The following RIMS1 variants were observed in gnomAD, a reference collection of about 807,000 sequenced individuals.
RIMS1 encodes regulating synaptic membrane exocytosis 1, also known as regulating synaptic membrane exocytosis protein 1.
RIMS1 carries 83 observed loss-of-function variants against 214.1 expected under a neutral mutation model. The observed-to-expected ratio is 0.39, with a 90% CI of 0.32 to 0.47. The LOEUF is 0.47. Ranked by LOEUF, RIMS1 falls within the 20% of genes least tolerant of loss-of-function variation. The pLI, the probability that RIMS1 is intolerant of heterozygous loss-of-function variation, is 0.99. For missense variants in RIMS1, 2,050 were observed against 2,161.8 expected (o/e 0.95, Z 1.03); for synonymous variants, 793 against 786.8 (o/e 1.01, Z -0.13).
chr6:71,949,563 A>G (rs1008818601), intron 1 of RIMS1, among the ~76,000 whole-genome samples: 3 of 152,182 alleles, frequency 2.0e-5, no homozygotes, highest in Admixed American at 6.5e-5. Flanking sequence ...AAAATGAAGA[A>G]TAAGTATACC....
intron 9 of RIMS1, among the ~76,000 whole-genome samples, chr6:72,240,301 G>A (rs1188985392): frequency 2.0e-5 from 3 of 152,070 alleles, no homozygotes; most frequent in Admixed American, 6.5e-5. Context: ...AAAAAGGAGA[G>A]TTTTAAAATG....
chr6:71,915,554 T>C (rs1208666674), intron 1 of RIMS1, among the ~76,000 whole-genome samples: 1 of 152,150 alleles, frequency 6.6e-6, no homozygotes, highest in East Asian at 1.9e-4. Context: ...CCCTCACATA[T>C]AACAAATATG....
At chr6:71,952,308 GA>G (rs1437223422) in intron 1 of RIMS1, among the ~76,000 whole-genome samples, 1 of 151,664 alleles carries the variant, frequency 6.6e-6, no homozygotes, top group Non-Finnish European at 1.5e-5. Flanking sequence ...TATCTATATT[GA>G]AAAAAAAGTT....
Position 72,258,127 on chromosome 6 carries a change from G to A in RIMS1, c.2773G>A (p.Gly925Ser), listed in dbSNP as rs2076624908. 6.2e-7 allele frequency: 1 copy of A among 1,611,830 alleles called. No individual in the cohort carries two copies. Among genetic ancestry groups the A allele is most frequent in the Non-Finnish European group, 8.5e-7 (1 of 1,178,834 alleles). ...DDGIGVVPPVGYRSSARESKS... is the reference protein window; with the variant it reads ...DDGIGVVPPVSYRSSARESKS... ...TTTTCTGTGTGTACTTTTGCCAGTA[G>A]GCTATAGGTCTAGTGCTAGAGAAAG... Residue 925 changes from glycine (G) to serine (S), a missense_variant and splice_region_variant, in exon 17 of 34, where the codon GGC becomes AGC. Coordinates refer to ENST00000521978, the MANE Select transcript of RIMS1 (RefSeq NM_014989.7).
intron 2 of RIMS1, among the ~76,000 whole-genome samples, chr6:72,080,213 G>A (rs1375234091): frequency 2.0e-5 from 3 of 151,346 alleles, no homozygotes; most frequent in Admixed American, 6.6e-5. Context: ...GCAGTGAGCC[G>A]AGATCATGCC....
chr6:71,898,696 A>T (rs1466785429), intron 1 of RIMS1, among the ~76,000 whole-genome samples: 1 of 152,148 alleles, frequency 6.6e-6, no homozygotes, highest in Non-Finnish European at 1.5e-5. Flanking sequence ...CCATCAACTG[A>T]TAAGAGTTGG....
At chr6:72,297,738 G>C (rs561375587) in intron 26 of RIMS1, among the ~76,000 whole-genome samples, 2 of 151,980 alleles carry the variant, frequency 1.3e-5, no homozygotes, top group Non-Finnish European at 2.9e-5. Context: ...AGAATGCTGC[G>C]CCTCTCCTTA....
intron 2 of RIMS1, among the ~76,000 whole-genome samples, chr6:71,992,984 A>C (rs1469861225): frequency 6.6e-6 from 1 of 152,200 alleles, no homozygotes; most frequent in African/African-American, 2.4e-5. Context: ...ATTTTCAAAT[A>C]ATCACATTTC....
At chr6:72,063,799 C>T (rs1361884728) in intron 2 of RIMS1, among the ~76,000 whole-genome samples, 1 of 152,184 alleles carries the variant, frequency 6.6e-6, no homozygotes, top group Non-Finnish European at 1.5e-5. Flanking sequence ...ACTAAAATTG[C>T]CATCAGTTTG....
intron 1 of RIMS1, among the ~76,000 whole-genome samples, chr6:71,942,397 G>A (rs1025357728): frequency 7.2e-5 from 11 of 152,220 alleles, no homozygotes; most frequent in African/African-American, 2.6e-4. Flanking sequence ...AATATTTTTA[G>A]TAGAGGTCAT....
intron 1 of RIMS1, among the ~76,000 whole-genome samples, chr6:71,905,302 C>A (rs1774941658): frequency 6.6e-6 from 1 of 152,098 alleles, no homozygotes; most frequent in Non-Finnish European, 1.5e-5. Context: ...ACAACTTTCA[C>A]TTCTCAGTAA....
At chr6:72,259,161 T>C (rs2076988063) in intron 18 of RIMS1, 50 bp downstream of exon 18, 2 of 1,524,568 alleles carry the variant, frequency 1.3e-6, no homozygotes, top group Admixed American at 1.8e-5. Context: ...TGTTCTGTTT[T>C]AATATATACA....
At chr6:72,084,649 A>G (rs1436613116) in intron 2 of RIMS1, among the ~76,000 whole-genome samples, 1 of 152,186 alleles carries the variant, frequency 6.6e-6, no homozygotes, top group Non-Finnish European at 1.5e-5. Context: ...GTGGGCCTCC[A>G]TGTCCTCAGA....
intron 6 of RIMS1, among the ~76,000 whole-genome samples, chr6:72,206,877 C>T (rs2053017306): frequency 6.6e-6 from 1 of 152,224 alleles, no homozygotes; most frequent in South Asian, 2.1e-4. Flanking sequence ...TGGGTGGCTT[C>T]AGCCACTTTC....
At chr6:72,387,280 T>A (rs998954993) in intron 29 of RIMS1, among the ~76,000 whole-genome samples, 3 of 152,198 alleles carry the variant, frequency 2.0e-5, no homozygotes, top group Non-Finnish European at 4.4e-5. Context: ...CACCTCACCG[T>A]TTAGATTTAA....
chr6:72,182,529 C>G lies in RIMS1; in HGVS notation c.1058C>G (p.Thr353Ser). ...CAAAGAAAAGAGGAGGATTATCAGA[C>G]CAGGTACCGCAGCGACCCGAACCTA... ...EKQRKEEDYQ[T>S]RYRSDPNLAR... The change falls in exon 6 of 34, where the codon ACC becomes AGC. Residue 353 changes from threonine (T) to serine (S), a missense_variant. Coordinates refer to ENST00000521978, the MANE Select transcript of RIMS1 (RefSeq NM_014989.7). 6.4e-7 allele frequency: 1 copy of G among 1,569,614 alleles called. No individual in the cohort carries two copies. The highest frequency in any genetic ancestry group is 8.6e-7 in the Non-Finnish European group (1 of 1,158,012).
At chr6:72,011,723 G>GA (rs1356702269) in intron 2 of RIMS1, among the ~76,000 whole-genome samples, 1 of 152,182 alleles carries the variant, frequency 6.6e-6, no homozygotes, top group East Asian at 1.9e-4. Flanking sequence ...AAAGACACAT[G>GA]AAAAAATGCT....
At chr6:72,069,999 C>T (rs1830221690) in intron 2 of RIMS1, among the ~76,000 whole-genome samples, 1 of 152,184 alleles carries the variant, frequency 6.6e-6, no homozygotes, top group African/African-American at 2.4e-5. Flanking sequence ...ATAGTTTCAG[C>T]ATACATTTTA....
intron 20 of RIMS1, 57 bp downstream of exon 20, chr6:72,265,109 C>A: frequency 1.0e-6 from 1 of 953,538 alleles, no homozygotes; most frequent in Non-Finnish European, 1.6e-6. Flanking sequence ...AATCCCTTGC[C>A]TACTAAAAAT....
Sources: gnomAD v4.1 joint callset for allele counts (sites outside exome capture counted in the v4.1 genomes callset) on GRCh38, gnomAD v4.1.1 for gene constraint, MANE v1.5 for transcripts, NCBI Gene and HGNC (gene_info 2026-07-23, HGNC 2026-07-21) for gene names.